The following SEPTIN9 variants were observed in gnomAD, a reference collection of about 807,000 sequenced individuals.
The protein encoded by SEPTIN9 is septin-9.
SEPTIN9 carries 13 observed loss-of-function variants against 56.6 expected under a neutral mutation model. The observed-to-expected ratio is 0.23, with a 90% confidence interval of 0.15 to 0.37. SEPTIN9 has a LOEUF of 0.37. Among genes scored for constraint, SEPTIN9 ranks in the 10% least tolerant of loss-of-function variants. The probability of loss-of-function intolerance (pLI) is 1.00; values close to 1 mark genes in which losing one functional copy is unlikely to be tolerated. For synonymous variants in SEPTIN9, 332 were observed against 334.1 expected, an observed-to-expected ratio of 0.99 and a Z score of 0.07; for missense variants, 650 against 823.1, an observed-to-expected ratio of 0.79 and a Z score of 2.57.
intron 4 of SEPTIN9, among the ~76,000 whole-genome samples, chr17:77,486,487 GGTGTGTGTGTGTGT>G (rs773025304): frequency 4.9e-5 from 7 of 143,644 alleles, no homozygotes; most frequent in Non-Finnish European, 1.1e-4. Context: ...AGTCTGGAGG[GGTGTGTGTGTGTGT>G]GTGTGTGTGT....
chr17:77,499,039 A>G lies in SEPTIN9; in HGVS notation c.*381A>G, dbSNP rs1385637588. 1 of 537,882 alleles carries G rather than the reference A, an allele frequency of 1.9e-6. No homozygotes were observed. The highest frequency in any genetic ancestry group is 1.9e-5 in the African/African-American group (1 of 53,972). 33.3% of individuals were successfully genotyped at this position (537,882 alleles called of 1,614,324 possible). A position where few individuals can be genotyped will look rare whatever the true frequency, so the allele number is the denominator to read the frequency against. On this transcript the variant is annotated 3_prime_UTR_variant, in exon 12 of 12. Coordinates refer to ENST00000427177, the MANE Select transcript of SEPTIN9 (RefSeq NM_001113491.2). ...GGTGGGGGCCAGGCCTCGCACTTGC[A>G]GAGGAGCCCAGTGGGCTGCACGCTC...
Position 77,495,626 on chromosome 17 carries a change from G to A in SEPTIN9, c.1574-1689G>A, listed in dbSNP as rs181285016. Among the ~76,000 whole-genome samples, 497 of 152,306 alleles carry A rather than the reference G, an allele frequency of 3.3e-3. 6 individuals are homozygous for A. The highest frequency in any genetic ancestry group is 0.011 in the African/African-American group (459 of 41,558). On this transcript the variant is annotated intron_variant, in intron 10 of 11. Transcript: ENST00000427177. ...TAACTTGCCCGAGCCAGGGAGTGGC[G>A]ATCACACACTCCAACTCCAGCCTGA...
intron 8 of SEPTIN9, among the ~76,000 whole-genome samples, chr17:77,491,678 C>T (rs1196078088): frequency 3.3e-5 from 5 of 151,678 alleles, no homozygotes; most frequent in Non-Finnish European, 7.4e-5. Context: ...TGGTGGCGGG[C>T]GCCTGTAGTC....
At position 77,451,432 on chromosome 17, in the gene SEPTIN9, G is replaced by GC; in HGVS notation, c.722-30708dup. 1 of 985,654 alleles carries GC rather than the reference G, an allele frequency of 1.0e-6. No homozygotes were observed. The highest frequency in any genetic ancestry group is 1.2e-6 in the Non-Finnish European group (1 of 830,076). The allele number at this position is 985,654 out of a possible 1,614,324, so 61.1% of individuals were successfully genotyped here. A position where few individuals can be genotyped will look rare whatever the true frequency, so the allele number is the denominator to read the frequency against. ...AGGCTCCTTGTTCCGCGACCACAAA[G>GC]CCCCTTTGATCCTCTGCTCGGCTCT... is the stretch of plus-strand genomic sequence containing the variant. On this transcript the variant is annotated intron_variant, in intron 3 of 11. Coordinates refer to ENST00000427177, the MANE Select transcript of SEPTIN9 (RefSeq NM_001113491.2). This position sits in a 1 kb window ranked among gnomAD's most constrained non-coding sequence, Gnocchi z 4.2.
Position 77,310,671 on chromosome 17 carries a change from G to C in SEPTIN9, c.76+3474G>C, listed in dbSNP as rs1201859551. 6.6e-6 allele frequency among the ~76,000 whole-genome samples: 1 copy of C among 152,178 alleles called. No homozygotes were observed. Among genetic ancestry groups the C allele is most frequent in the African/African-American group, 2.4e-5 (1 of 41,444 alleles). On this transcript the variant is annotated intron_variant, in intron 2 of 11. Transcript: ENST00000427177. The surrounding 1 kb of genome is among the most constrained non-coding windows in gnomAD (Gnocchi z 4.7). ...ACCACGCCCTCCCGAGTGGCCTTCT[G>C]GTAGGCTCTCCCATGTTCGCTCATT...
rs1386245646 is a variant in SEPTIN9 at position 77,405,185 on chromosome 17, G to C, written c.721+2482G>C. 46 of 1,484,152 alleles carry C rather than the reference G, an allele frequency of 3.1e-5. No homozygotes were observed. Among genetic ancestry groups the C allele is most frequent in the Non-Finnish European group, 4.1e-5 (45 of 1,101,360 alleles). The allele number at this position is 1,484,152 out of a possible 1,614,324, so 91.9% of individuals were successfully genotyped here. A position where few individuals can be genotyped will look rare whatever the true frequency, so the allele number is the denominator to read the frequency against. ...GATGTACAAGAACATTCTCCTCCAG[G>C]GGCAGACACAGTTTAGCCCCTAAAT... is the stretch of plus-strand genomic sequence containing the variant. On this transcript the variant is annotated intron_variant, in intron 3 of 11. Transcript: ENST00000427177. The surrounding 1 kb of genome is among the most constrained non-coding windows in gnomAD (Gnocchi z 5.8).
rs1476510566 is a variant in SEPTIN9 at position 77,476,205 on chromosome 17, C to G, written c.722-5939C>G. Among the ~76,000 whole-genome samples, 1 of 152,190 alleles carries G rather than the reference C, an allele frequency of 6.6e-6. No individual in the cohort carries two copies. ...AGGCAGAGAAGGGCGGCCCCTGGGTCTTGGTTTCCAAGTCAGGCTTTGCAA... is the reference window on the plus strand; with the variant it reads ...AGGCAGAGAAGGGCGGCCCCTGGGTGTTGGTTTCCAAGTCAGGCTTTGCAA... On this transcript the variant is annotated intron_variant, in intron 3 of 11. Transcript: ENST00000427177. This position sits in a 1 kb window ranked among gnomAD's most constrained non-coding sequence, Gnocchi z 6.0.
rs1213761833 is a variant in SEPTIN9 at position 77,367,842 on chromosome 17, A to G, written c.77-34217A>G. On this transcript the variant is annotated intron_variant, in intron 2 of 11. Transcript: ENST00000427177. This position sits in a 1 kb window ranked among gnomAD's most constrained non-coding sequence, Gnocchi z 4.5. ...TAATAATAATGCTAATAATAAATAA[A>G]ATAATAATAATAAAATAATAAAAGC... 6.6e-6 allele frequency among the ~76,000 whole-genome samples: 1 copy of G among 152,004 alleles called. No individual in the cohort carries two copies. Among genetic ancestry groups the G allele is most frequent in the Non-Finnish European group, 1.5e-5 (1 of 68,014 alleles).
chr17:77,351,133 C>T (rs1032474432), intron 2 of SEPTIN9, among the ~76,000 whole-genome samples: 2 of 151,920 alleles, frequency 1.3e-5, no homozygotes, highest in South Asian at 4.1e-4. Context: ...TTTTTTCTGG[C>T]TTACTAAGTG....
chr17:77,477,140 T>G lies in SEPTIN9; in HGVS notation c.722-5004T>G, dbSNP rs536913150. Among the ~76,000 whole-genome samples, 13 of 151,404 alleles carry G rather than the reference T, an allele frequency of 8.6e-5. No homozygotes were observed. In the East Asian group the frequency reaches 2.5e-3, roughly 29 times the overall value. Reference sequence around the variant, plus strand: ...CTTCCCCCTCCCTCCTTCCCTTCTTTCCCTTCCTCTCCCGTCCTCATGGGG... The same window carrying G: ...CTTCCCCCTCCCTCCTTCCCTTCTTGCCCTTCCTCTCCCGTCCTCATGGGG... On this transcript the variant is annotated intron_variant, in intron 3 of 11. Coordinates refer to ENST00000427177, the MANE Select transcript of SEPTIN9 (RefSeq NM_001113491.2).
intron 10 of SEPTIN9, among the ~76,000 whole-genome samples, chr17:77,496,913 C>T (rs1598480684): frequency 6.6e-6 from 1 of 152,382 alleles, no homozygotes; most frequent in South Asian, 2.1e-4. Context: ...GCCCAGCCCC[C>T]TGCCTGTCTT....
intron 2 of SEPTIN9, among the ~76,000 whole-genome samples, chr17:77,379,287 C>T (rs142478399): frequency 1.8e-3 from 276 of 152,044 alleles, no homozygotes; most frequent in African/African-American, 6.4e-3. Flanking sequence ...ACAAGCCCAC[C>T]GAGAGCCTGA....
chr17:77,333,150 T>A (rs1426957996), intron 2 of SEPTIN9, among the ~76,000 whole-genome samples: 1 of 152,224 alleles, frequency 6.6e-6, no homozygotes, highest in African/African-American at 2.4e-5. Context: ...GAAATCTTAG[T>A]CATTCTGGTG....
At chr17:77,440,203 G>A (rs564739087) in intron 3 of SEPTIN9, among the ~76,000 whole-genome samples, 2 of 152,118 alleles carry the variant, frequency 1.3e-5, no homozygotes, top group Admixed American at 1.3e-4. Flanking sequence ...CACCTAGGCT[G>A]GAGTGCAGTA....
rs144621627 is a variant in SEPTIN9 at position 77,447,231 on chromosome 17, G to A, written c.722-34913G>A. Reference sequence around the variant, plus strand: ...CGGCGTGTGGAGTGCGTAGGCCTCCGGACGGGCAGGAGTTGAAGGGGCGTG... The same window carrying A: ...CGGCGTGTGGAGTGCGTAGGCCTCCAGACGGGCAGGAGTTGAAGGGGCGTG... On this transcript the variant is annotated intron_variant, in intron 3 of 11. Coordinates refer to ENST00000427177, the MANE Select transcript of SEPTIN9 (RefSeq NM_001113491.2). The A allele has an allele frequency of 7.2e-3, 1,201 of 166,952 alleles. 19 individuals carry two copies. The highest frequency in any genetic ancestry group is 0.056 in the South Asian group (270 of 4,830). 10.3% of individuals were successfully genotyped at this position (166,952 alleles called of 1,614,324 possible).
intron 3 of SEPTIN9, among the ~76,000 whole-genome samples, chr17:77,408,170 C>G (rs1027266856): frequency 3.9e-5 from 6 of 152,214 alleles, no homozygotes; most frequent in Non-Finnish European, 8.8e-5. Flanking sequence ...CCCCATGAGT[C>G]AACTGGTTCT....
Position 77,318,879 on chromosome 17 carries a change from T to C in SEPTIN9, c.76+11682T>C, listed in dbSNP as rs1395907753. 1.3e-5 allele frequency among the ~76,000 whole-genome samples: 2 copies of C among 152,126 alleles called. No homozygotes were observed. Among genetic ancestry groups the C allele is most frequent in the Non-Finnish European group, 2.9e-5 (2 of 68,016 alleles). ...GGCAGGGATTGTAAACTCAGAGGCCTGCGGGGTGTGTCGAGGTAGAGGGGT... is the reference window on the plus strand; with the variant it reads ...GGCAGGGATTGTAAACTCAGAGGCCCGCGGGGTGTGTCGAGGTAGAGGGGT... On this transcript the variant is annotated intron_variant, in intron 2 of 11. Coordinates refer to ENST00000427177, the MANE Select transcript of SEPTIN9 (RefSeq NM_001113491.2). The surrounding 1 kb of genome is among the most constrained non-coding windows in gnomAD (Gnocchi z 4.9).
chr17:77,488,327 GCC>G lies in SEPTIN9; in HGVS notation c.1124+9_1124+10del. On this transcript the variant is annotated splice_region_variant and intron_variant, in intron 6 of 11. Coordinates refer to ENST00000427177, the MANE Select transcript of SEPTIN9 (RefSeq NM_001113491.2). ...CACATCAACAACGAGAACTGGTGAGGCCCCTCCAGGGGGAGGAGCACTAGCGG... is the reference window on the plus strand; with the variant it reads ...CACATCAACAACGAGAACTGGTGAGGCCTCCAGGGGGAGGAGCACTAGCGG... 6.2e-7 allele frequency: 1 copy of G among 1,611,718 alleles called. No individual in the cohort carries two copies. The highest frequency in any genetic ancestry group is 2.2e-5 in the East Asian group (1 of 44,862).
intron 10 of SEPTIN9, 189 bp downstream of exon 10, chr17:77,493,265 A>C: frequency 1.7e-6 from 1 of 602,980 alleles, no homozygotes; most frequent in Non-Finnish European, 3.0e-6. Context: ...TGGCCTGTGC[A>C]GATGCCTCCA....
Sources: gnomAD v4.1 joint callset for allele counts (sites outside exome capture counted in the v4.1 genomes callset) on GRCh38, gnomAD v4.1.1 for gene constraint, Gnocchi (gnomAD v3.1) non-coding constraint, MANE v1.5 for transcripts, NCBI Gene and HGNC (gene_info 2026-07-23, HGNC 2026-07-21) for gene names.